Variants in FAAP100 observed in about 807,000 individuals in gnomAD.
The protein encoded by FAAP100 is FA core complex associated protein 100, also known as Fanconi anemia core complex-associated protein 100.
A neutral mutation model predicts 65.8 loss-of-function variants in FAAP100; 46 were observed. The ratio of observed to expected loss-of-function variants is 0.70; its 90% CI spans 0.55 to 0.89. The LOEUF (loss-of-function observed/expected upper bound fraction) is 0.89, where lower values mean the gene tolerates loss of function less well. FAAP100 is among the 40% of genes least tolerant of loss of function. The probability of loss-of-function intolerance (pLI) is 0.00; values close to 1 mark genes in which losing one functional copy is unlikely to be tolerated. For missense variants in FAAP100, 1,165 were observed against 1,196.7 expected (o/e 0.97, Z 0.39); for synonymous variants, 663 against 555.1 (o/e 1.19, Z -2.73).
In FAAP100 at chr17:81,550,638, C is replaced by CCA. The variant is rs1163456474; in HGVS notation, c.855_856insTG (p.Gly286TrpfsTer4). 6.2e-7 allele frequency: 1 copy of CCA among 1,613,082 alleles called. No homozygotes were observed. Among genetic ancestry groups the CCA allele is most frequent in the African/African-American group, 1.3e-5 (1 of 75,062 alleles). ...GCCTGTGGCTCTGTCTTCAAGGCCC[C>CCA]TATGAAGATGACGGGCTCCTCCAGG... On this transcript the variant is annotated frameshift_variant, in exon 3 of 9. Transcript: ENST00000327787. LOFTEE classifies it high-confidence loss of function.
chr17:81,542,392 CAAATA>C (rs937272868), intron 7 of FAAP100, among the ~76,000 whole-genome samples: 19 of 150,866 alleles, frequency 1.3e-4, no homozygotes, highest in African/African-American at 4.7e-4. Context: ...CTCAAACAAA[CAAATA>C]AAACTAAATT....
chr17:81,548,187 A>G (rs2033378308), intron 4 of FAAP100: 3 of 593,516 alleles, frequency 5.1e-6, no homozygotes, highest in Non-Finnish European at 9.0e-6. Flanking sequence ...CCCAGTGGTT[A>G]TGTGAGGGGA....
chr17:81,550,501 G>A lies in FAAP100; in HGVS notation c.993C>T (p.Ser331=), dbSNP rs772625798. ...CCCGCAGCTCGGGCACCAGCTTCCC[G>A]GACTCATCCCAGCTGGCCTTGATGG... ...MLAIKASWDE[S]GKLVPELREY... is the part of the protein sequence containing the mutation. Residue 331 remains serine (S), a synonymous_variant, in exon 3 of 9, where the codon TCC becomes TCT. Transcript: ENST00000327787. 1.4e-5 allele frequency: 22 copies of A among 1,612,658 alleles called. No homozygotes were observed. Among genetic ancestry groups the A allele is most frequent in the African/African-American group, 6.7e-5 (5 of 74,950 alleles).
chr17:81,545,872 CAG>C lies in FAAP100; in HGVS notation c.2182_2183del (p.Leu728ValfsTer11). On this transcript the variant is annotated frameshift_variant, in exon 6 of 9. Coordinates refer to ENST00000327787, the MANE Select transcript of FAAP100 (RefSeq NM_025161.6). LOFTEE classifies it high-confidence loss of function. ...ALKDGHSGVP[L>X]CCATLQWLLA... is the part of the protein sequence containing the mutation. ...GGAGCCACTGCAGGGTGGCACAGCA[CAG>C]GGGCACGCCTGGAGGGGAGGCATCA... is the stretch of plus-strand genomic sequence containing the variant. The C allele has an allele frequency of 6.2e-7, 1 of 1,607,100 alleles. No homozygotes were observed. Among genetic ancestry groups the C allele is most frequent in the Non-Finnish European group, 8.5e-7 (1 of 1,179,748 alleles).
chr17:81,544,169 C>T, intron 6 of FAAP100, 49 bp from the exon 7 acceptor site: 1 of 1,480,184 alleles, frequency 6.8e-7, no homozygotes, highest in Non-Finnish European at 9.4e-7. Context: ...CTCCCACCTG[C>T]CCGGGGGGCT....
Position 81,540,663 on chromosome 17 carries a change from A to C in FAAP100, c.*156T>G, listed in dbSNP as rs2033055126. The C allele has an allele frequency of 9.7e-7, 1 of 1,029,436 alleles. No individual in the cohort carries two copies. The highest frequency in any genetic ancestry group is 1.3e-6 in the Non-Finnish European group (1 of 761,148). 63.8% of individuals were successfully genotyped at this position (1,029,436 alleles called of 1,614,324 possible). On this transcript the variant is annotated 3_prime_UTR_variant, in exon 9 of 9. Coordinates refer to ENST00000327787, the MANE Select transcript of FAAP100 (RefSeq NM_025161.6). Reference sequence around the variant, plus strand: ...TCTGCTTTGTGCTCCACGGCCTCCAAGCACTTTCATGAGCGTTCTGCTCCT... The same window carrying C: ...TCTGCTTTGTGCTCCACGGCCTCCACGCACTTTCATGAGCGTTCTGCTCCT...
rs1031881116 is a variant in FAAP100, at chr17:81,551,908, G to T, written c.290+20C>A. 4 of 1,534,610 alleles carry T rather than the reference G, an allele frequency of 2.6e-6. No individual in the cohort carries two copies. Among genetic ancestry groups the T allele is most frequent in the Admixed American group, 3.9e-5 (2 of 51,366 alleles). On this transcript the variant is annotated intron_variant, in intron 2 of 8. Transcript: ENST00000327787. ...GGGCAGCAGGAGTGTGCGGGAGGGA[G>T]GCCGCGGGCCCGCCCTCACCTGCTC...
rs1231652900 is a variant in FAAP100, at chr17:81,551,234, T to G, written c.291-31A>C. 2.0e-6 allele frequency: 3 copies of G among 1,473,388 alleles called. No homozygotes were observed. In the East Asian group the frequency reaches 7.5e-5, roughly 37 times the overall value. 91.3% of individuals were successfully genotyped at this position (1,473,388 alleles called of 1,614,324 possible). The stretch of plus-strand genomic sequence containing the variant: ...AGAACAGGGACGCACTGGTCAGGCC[T>G]GGGCAGGGTGGGATTCCCACGTTCT... On this transcript the variant is annotated intron_variant, in intron 2 of 8. Transcript: ENST00000327787.
rs1269949788 is a variant in FAAP100, at chr17:81,540,917, G to A, written c.2548C>T (p.Arg850Trp). Residue 850 changes from arginine to tryptophan, a missense_variant, in exon 9 of 9, where the codon CGG (arginine) becomes TGG (tryptophan). Coordinates refer to ENST00000327787, the MANE Select transcript of FAAP100 (RefSeq NM_025161.6). ...LLREVQTLRD[R>W]LCTEDEASSC... is the part of the protein sequence containing the mutation. The stretch of plus-strand genomic sequence containing the variant: ...CTGGCCTCATCCTCCGTGCAGAGCC[G>A]GTCGCGCAGGGTCTGCACCTCCCGC... The A allele has an allele frequency of 5.0e-6, 8 of 1,591,076 alleles. No individual in the cohort carries two copies. Among genetic ancestry groups the A allele is most frequent in the Middle Eastern group, 1.7e-4 (1 of 6,002 alleles).
intron 2 of FAAP100, among the ~76,000 whole-genome samples, chr17:81,551,577 T>C (rs1255853946): frequency 1.3e-5 from 2 of 152,154 alleles, no homozygotes; most frequent in Non-Finnish European, 2.9e-5. Flanking sequence ...TGTCCACTGA[T>C]CACTGACTCG....
Position 81,552,292 on chromosome 17 carries a change from G to C in FAAP100, c.39C>G (p.Gly13=). 1 of 1,453,498 alleles carries C rather than the reference G, an allele frequency of 6.9e-7. No homozygotes were observed. Among genetic ancestry groups the C allele is most frequent in the East Asian group, 3.0e-5 (1 of 33,086 alleles). The allele number at this position is 1,453,498 out of a possible 1,614,324, so 90.0% of individuals were successfully genotyped here. The change falls in exon 1 of 9, where the codon GGC becomes GGG. Residue 13 remains glycine (G), a synonymous_variant. Coordinates refer to ENST00000327787, the MANE Select transcript of FAAP100 (RefSeq NM_025161.6). ...CCAGGCCCCCGAGAGGGCAGCAGAA[G>C]CCCGCCAGGTAGCGGACCCGCGGCG... ...GAAPRVRYLA[G]FCCPLGGLAA...
intron 4 of FAAP100, chr17:81,548,634 A>G (rs7405590): frequency 0.73 from 112,040 of 152,696 alleles, 41,544 homozygotes; most frequent in Non-Finnish European, 0.78. Flanking sequence ...AACCACTCAG[A>G]AGGCTGAGGC....
At chr17:81,542,324 C>T (rs997126353) in intron 7 of FAAP100, among the ~76,000 whole-genome samples, 2 of 149,996 alleles carry the variant, frequency 1.3e-5, no homozygotes, top group African/African-American at 2.5e-5. Flanking sequence ...GCAGAGGGTG[C>T]GGTGAGCAGA....
rs1017092738 is a variant in FAAP100 at position 81,551,074 on chromosome 17, C to A, written c.420G>T (p.Leu140=). 1.6e-5 allele frequency: 26 copies of A among 1,584,954 alleles called. No homozygotes were observed. The highest frequency in any genetic ancestry group is 2.1e-5 in the Non-Finnish European group (25 of 1,165,938). Reference sequence around the variant, plus strand: ...GGGCAGGGCCCTGCACCAGGGTGACCAGCACACTGTCCAGCAAGGTGAACG... The same window carrying A: ...GGGCAGGGCCCTGCACCAGGGTGACAAGCACACTGTCCAGCAAGGTGAACG... ...LCAFTLLDSV[L]VTLVQGPARW... Residue 140 remains leucine (L), a synonymous_variant, in exon 3 of 9, where the codon CTG becomes CTT. Coordinates refer to ENST00000327787, the MANE Select transcript of FAAP100 (RefSeq NM_025161.6).
Position 81,544,122 on chromosome 17 carries a change from T to C in FAAP100, c.2311-2A>G. Reference sequence around the variant, plus strand: ...TGGGCACAGGTCAGTCATGGCCACCTGCAACACAGGAGCCACCTCACTGCC... The same window carrying C: ...TGGGCACAGGTCAGTCATGGCCACCCGCAACACAGGAGCCACCTCACTGCC... On this transcript the variant is annotated splice_acceptor_variant, in intron 6 of 8. Transcript: ENST00000327787. LOFTEE classifies it high-confidence loss of function. 6.2e-7 allele frequency: 1 copy of C among 1,604,934 alleles called. No individual in the cohort carries two copies. The highest frequency in any genetic ancestry group is 8.5e-7 in the Non-Finnish European group (1 of 1,172,904).
chr17:81,541,787 G>T (rs914437854), intron 7 of FAAP100, among the ~76,000 whole-genome samples: 37 of 152,144 alleles, frequency 2.4e-4, no homozygotes, highest in African/African-American at 8.4e-4. Context: ...TCGGCGTCTT[G>T]TGCAGAGACC....
At chr17:81,543,737 G>A (rs571547968) in intron 7 of FAAP100, among the ~76,000 whole-genome samples, 2 of 152,264 alleles carry the variant, frequency 1.3e-5, no homozygotes, top group Admixed American at 6.5e-5. Context: ...CTTGTAGCCC[G>A]GGCAGTCCTT....
At position 81,540,366 on chromosome 17, in the gene FAAP100, G is replaced by A. The variant is rs2033039542; in HGVS notation, c.*453C>T. ...GCACCTGGTAGTGCCACCCAGAGGG[G>A]CAGCCGGTGCTCCTGGTGGTGTGGC... On this transcript the variant is annotated 3_prime_UTR_variant, in exon 9 of 9. Transcript: ENST00000327787. 1 of 401,484 alleles carries A rather than the reference G, an allele frequency of 2.5e-6. No homozygotes were observed. The highest frequency in any genetic ancestry group is 4.4e-6 in the Non-Finnish European group (1 of 227,768). The allele number at this position is 401,484 out of a possible 1,614,324, so 24.9% of individuals were successfully genotyped here. A position where few individuals can be genotyped will look rare whatever the true frequency, so the allele number is the denominator to read the frequency against.
In FAAP100 at chr17:81,540,829, A is replaced by C. The variant is rs1217405766; in HGVS notation, c.2636T>G (p.Ile879Ser). 2.0e-6 allele frequency: 3 copies of C among 1,532,096 alleles called. No homozygotes were observed. Among genetic ancestry groups the C allele is most frequent in the Non-Finnish European group, 2.6e-6 (3 of 1,140,820 alleles). 94.9% of individuals were successfully genotyped at this position (1,532,096 alleles called of 1,614,324 possible). ...VYRQLRHPSL[I>S]LL ...GGCAGGCCCGCCTGGTCACAGCAGG[A>C]TGAGGCTGGGGTGGCGCAGCTGCCG... The change falls in exon 9 of 9, where the codon ATC (isoleucine) becomes AGC (serine). Residue 879 changes from isoleucine (I) to serine (S), a missense_variant. Coordinates refer to ENST00000327787, the MANE Select transcript of FAAP100 (RefSeq NM_025161.6).
Sources: allele counts gnomAD v4.1 joint callset (sites outside exome capture counted in the v4.1 genomes callset), GRCh38; gene constraint gnomAD v4.1.1; transcripts MANE v1.5; gene names NCBI Gene and HGNC (gene_info 2026-07-23, HGNC 2026-07-21).